Variants in DPP10 observed in about 807,000 individuals in gnomAD.
DPP10 encodes the protein dipeptidyl peptidase like 10.
A neutral mutation model predicts 120.9 loss-of-function variants in DPP10; 33 were observed. The ratio of observed to expected loss-of-function variants is 0.27; its 90% CI spans 0.21 to 0.37. The LOEUF is 0.37. Among genes scored for constraint, DPP10 ranks in the 10% least tolerant of loss-of-function variants. The pLI is 1.00. For synonymous variants in DPP10, 337 were observed against 326.1 expected (o/e 1.03, Z -0.36); for missense variants, 816 against 942.8 (o/e 0.87, Z 1.76).
intron 9 of DPP10, 59 bp from the exon 10 acceptor site, chr2:115,746,027 T>A: frequency 2.4e-6 from 3 of 1,233,796 alleles, no homozygotes; most frequent in Non-Finnish European, 3.4e-6. Context: ...CCTTTTCTTT[T>A]TTACCCAATA....
intron 1 of DPP10, among the ~76,000 whole-genome samples, chr2:114,473,015 G>A (rs189759523): frequency 5.3e-5 from 8 of 152,326 alleles, no homozygotes; most frequent in African/African-American, 1.9e-4. Flanking sequence ...AAAGATGGAA[G>A]AGACTGTTCT....
At chr2:114,824,906 C>T (rs574445364) in intron 1 of DPP10, among the ~76,000 whole-genome samples, 1 of 152,264 alleles carries the variant, frequency 6.6e-6, no homozygotes, top group African/African-American at 2.4e-5. Flanking sequence ...GAGACACATG[C>T]TCCAATAATA....
At chr2:115,712,450 G>A (rs898075555) in intron 7 of DPP10, among the ~76,000 whole-genome samples, 5 of 148,274 alleles carry the variant, frequency 3.4e-5, no homozygotes, top group Admixed American at 6.8e-5. Flanking sequence ...TGGCCTGGGG[G>A]TTAGGGACCC....
chr2:115,408,313 G>A (rs910288839), intron 3 of DPP10, among the ~76,000 whole-genome samples: 5 of 152,100 alleles, frequency 3.3e-5, no homozygotes, highest in African/African-American at 4.8e-5. Flanking sequence ...CTCCCAGTGC[G>A]CAGGCGGGCA....
At chr2:115,578,126 C>G (rs1488043855) in intron 5 of DPP10, among the ~76,000 whole-genome samples, 1 of 152,148 alleles carries the variant, frequency 6.6e-6, no homozygotes, top group Admixed American at 6.5e-5. Context: ...AGCTGGCAGC[C>G]TTGCTCCACT....
intron 1 of DPP10, chr2:115,161,939 C>T: frequency 6.9e-7 from 1 of 1,441,770 alleles, no homozygotes; most frequent in Non-Finnish European, 9.1e-7. Flanking sequence ...AAGCGAGCGC[C>T]AGCGCGGGCC....
intron 5 of DPP10, among the ~76,000 whole-genome samples, chr2:115,681,292 T>C (rs1248434288): frequency 6.6e-6 from 1 of 151,816 alleles, no homozygotes; most frequent in African/African-American, 2.4e-5. Context: ...ACAATCTAAA[T>C]AGCTATTAAT....
At chr2:115,108,643 G>T (rs1035607247) in intron 1 of DPP10, among the ~76,000 whole-genome samples, 8 of 151,860 alleles carry the variant, frequency 5.3e-5, no homozygotes, top group African/African-American at 1.9e-4. Flanking sequence ...TATAACCAAA[G>T]TCTGAAAAAA....
chr2:114,881,402 C>T (rs1314900368), intron 1 of DPP10, among the ~76,000 whole-genome samples: 2 of 152,038 alleles, frequency 1.3e-5, no homozygotes, highest in Non-Finnish European at 2.9e-5. Context: ...ATTTGAACAC[C>T]TTATCTACCA....
At chr2:114,502,435 A>G (rs1328642716) in intron 1 of DPP10, among the ~76,000 whole-genome samples, 1 of 152,224 alleles carries the variant, frequency 6.6e-6, no homozygotes, top group African/African-American at 2.4e-5. Context: ...TACAGGTACC[A>G]GTACGTAGAC....
intron 1 of DPP10, among the ~76,000 whole-genome samples, chr2:115,206,307 A>G (rs1191132547): frequency 6.6e-5 from 10 of 152,158 alleles, no homozygotes; most frequent in African/African-American, 2.4e-5. Context: ...TTTTTAAACA[A>G]TCTATAGCAC....
intron 1 of DPP10, among the ~76,000 whole-genome samples, chr2:114,556,500 A>G (rs2104910629): frequency 6.6e-6 from 1 of 152,068 alleles, no homozygotes; most frequent in African/African-American, 2.4e-5. Context: ...GGAGGACACA[A>G]GTAAATAAAT....
intron 3 of DPP10, among the ~76,000 whole-genome samples, chr2:115,427,932 GC>G (rs1359959390): frequency 2.0e-5 from 3 of 152,186 alleles, no homozygotes; most frequent in Admixed American, 2.0e-4. Flanking sequence ...GTTAGAAGCA[GC>G]CAGACAACTT....
intron 1 of DPP10, among the ~76,000 whole-genome samples, chr2:115,040,137 G>A (rs763693221): frequency 6.6e-6 from 1 of 152,090 alleles, no homozygotes; most frequent in Non-Finnish European, 1.5e-5. Context: ...CATCCAATTA[G>A]CCGTTCAAAG....
At chr2:115,292,131 T>G (rs1170201380) in intron 1 of DPP10, among the ~76,000 whole-genome samples, 2 of 152,142 alleles carry the variant, frequency 1.3e-5, no homozygotes, top group East Asian at 3.9e-4. Flanking sequence ...CTTCACTATG[T>G]GCAGTGGTAA....
intron 24 of DPP10, 46 bp from the exon 25 acceptor site, chr2:115,840,704 T>A: frequency 1.3e-6 from 2 of 1,556,776 alleles, no homozygotes; most frequent in Non-Finnish European, 8.8e-7. Flanking sequence ...AAAGTTCTCA[T>A]ACAAGCAGTG....
chr2:115,520,674 G>A (rs1282224742), intron 4 of DPP10, among the ~76,000 whole-genome samples: 3 of 152,038 alleles, frequency 2.0e-5, no homozygotes, highest in African/African-American at 4.8e-5. Flanking sequence ...TGTATTAATT[G>A]TAACTGCATC....
At chr2:115,484,576 T>A (rs1432291265) in intron 3 of DPP10, among the ~76,000 whole-genome samples, 2 of 152,138 alleles carry the variant, frequency 1.3e-5, no homozygotes, top group East Asian at 3.9e-4. Context: ...TTTTTTATGT[T>A]GTCTTGAAAG....
chr2:115,560,572 C>T (rs966398632), intron 5 of DPP10, among the ~76,000 whole-genome samples: 5 of 148,966 alleles, frequency 3.4e-5, no homozygotes, highest in East Asian at 2.0e-4. Context: ...CCCCCACCCC[C>T]GACCTCCCAC....
Sources: allele counts gnomAD v4.1 joint callset (sites outside exome capture counted in the v4.1 genomes callset), GRCh38; gene constraint gnomAD v4.1.1; transcripts MANE v1.5; gene names NCBI Gene and HGNC (gene_info 2026-07-23, HGNC 2026-07-21).